EEPD1: variants seen among roughly 807,000 people sequenced by gnomAD.
EEPD1 encodes the protein endonuclease/exonuclease/phosphatase family domain containing 1, also known as endonuclease/exonuclease/phosphatase family domain-containing protein 1.
Under a neutral mutation model 46.3 loss-of-function variants are expected in EEPD1, and 17 were observed. The ratio of observed to expected loss-of-function variants is 0.37; its 90% CI spans 0.25 to 0.55. EEPD1 has a LOEUF of 0.55. Among genes scored for constraint, EEPD1 ranks in the 20% least tolerant of loss-of-function variants. EEPD1 has a pLI of 0.83. For missense variants in EEPD1, 673 were observed against 745.6 expected, an observed-to-expected ratio of 0.90 and a Z score of 1.13; for synonymous variants, 313 against 315.6, an observed-to-expected ratio of 0.99 and a Z score of 0.09.
At chr7:36,174,450 G>T (rs1562673981) in intron 2 of EEPD1, among the ~76,000 whole-genome samples, 2 of 152,178 alleles carry the variant, frequency 1.3e-5, no homozygotes, top group African/African-American at 4.8e-5. Context: ...TGGAGGGAAT[G>T]CTAGTGCATA....
At chr7:36,252,746 T>G (rs1244591686) in intron 3 of EEPD1, among the ~76,000 whole-genome samples, 1 of 150,690 alleles carries the variant, frequency 6.6e-6, no homozygotes, top group East Asian at 1.9e-4. Context: ...CTTTCCCCCT[T>G]ATGGTACGCC....
chr7:36,226,691 A>G (rs1464211690), intron 2 of EEPD1, among the ~76,000 whole-genome samples: 1 of 152,204 alleles, frequency 6.6e-6, no homozygotes, highest in East Asian at 1.9e-4. Flanking sequence ...TTTAAAACCA[A>G]ACTACTTAGA....
chr7:36,176,463 A>G (rs1785182418), intron 2 of EEPD1, among the ~76,000 whole-genome samples: 1 of 152,218 alleles, frequency 6.6e-6, no homozygotes, highest in African/African-American at 2.4e-5. Context: ...TCTCCCATGT[A>G]ACGGATGTCG....
chr7:36,155,549 T>C (rs779711326), intron 2 of EEPD1, among the ~76,000 whole-genome samples: 2 of 152,210 alleles, frequency 1.3e-5, no homozygotes, highest in Non-Finnish European at 2.9e-5. Context: ...CAGTTTCGCA[T>C]GTGAGAAAGA....
In EEPD1 at chr7:36,286,324, A is replaced by G. The variant is rs564238781; in HGVS notation, c.1177-1315A>G. ...ACTGTGCCCCCCACCCAGCCTTAAG[A>G]TGCTTTCTCTAGCAGGCAGAGCTGC... is the stretch of plus-strand genomic sequence containing the variant. On this transcript the variant is annotated intron_variant, in intron 5 of 7. Transcript: ENST00000242108. 3.3e-5 allele frequency among the ~76,000 whole-genome samples: 5 copies of G among 152,302 alleles called. No individual in the cohort carries two copies. The South Asian group carries it at 1.0e-3, about 32-fold the overall frequency.
At chr7:36,227,801 C>T (rs1786253918) in intron 2 of EEPD1, among the ~76,000 whole-genome samples, 1 of 152,166 alleles carries the variant, frequency 6.6e-6, no homozygotes, top group South Asian at 2.1e-4. Flanking sequence ...GATTCTCCTG[C>T]CTCAGGCTCC....
chr7:36,200,632 G>C (rs1274545348), intron 2 of EEPD1, among the ~76,000 whole-genome samples: 1 of 152,200 alleles, frequency 6.6e-6, no homozygotes, highest in East Asian at 1.9e-4. Context: ...TTGTCCTTCA[G>C]AACATTCCTT....
intron 2 of EEPD1, among the ~76,000 whole-genome samples, chr7:36,210,677 TCTC>T (rs1785912420): frequency 6.6e-6 from 1 of 152,018 alleles, no homozygotes; most frequent in Admixed American, 6.6e-5. Context: ...CTGCCTTCCC[TCTC>T]CTCCTAGAAA....
chr7:36,231,328 C>T (rs1472054794), intron 2 of EEPD1, among the ~76,000 whole-genome samples: 2 of 152,202 alleles, frequency 1.3e-5, no homozygotes, highest in Non-Finnish European at 2.9e-5. Context: ...AGAACTTGCC[C>T]TTCAAGCTGT....
chr7:36,276,575 A>T (rs1787185539), intron 3 of EEPD1, among the ~76,000 whole-genome samples: 2 of 152,216 alleles, frequency 1.3e-5, no homozygotes, highest in Non-Finnish European at 2.9e-5. Context: ...TTTGACGTAC[A>T]GGGTCCCGGG....
intron 3 of EEPD1, among the ~76,000 whole-genome samples, chr7:36,262,566 G>A (rs1372132287): frequency 6.6e-6 from 1 of 152,170 alleles, no homozygotes; most frequent in African/African-American, 2.4e-5. Flanking sequence ...AGGGGGTTGT[G>A]TCTCGTCTCC....
At position 36,154,256 on chromosome 7, in the gene EEPD1, G is replaced by C. The variant is rs1784775786; in HGVS notation, c.-69G>C. 1 of 1,512,836 alleles carries C rather than the reference G, an allele frequency of 6.6e-7. No individual in the cohort carries two copies. Among genetic ancestry groups the C allele is most frequent in the South Asian group, 1.3e-5 (1 of 79,162 alleles). 93.7% of individuals were successfully genotyped at this position (1,512,836 alleles called of 1,614,324 possible). On this transcript the variant is annotated 5_prime_UTR_variant, in exon 2 of 8. Transcript: ENST00000242108. This position sits in a 1 kb window ranked among gnomAD's most constrained non-coding sequence, Gnocchi z 4.2. ...TTTCTGTGCTTGTACGGCCTACTGGGCTTCCTCCCTAGCCAGAGAGCTCTT... is the reference window on the plus strand; with the variant it reads ...TTTCTGTGCTTGTACGGCCTACTGGCCTTCCTCCCTAGCCAGAGAGCTCTT...
rs1784774936 is a variant in EEPD1, at chr7:36,154,239, C to G, written c.-86C>G. The G allele has an allele frequency of 1.4e-6, 2 of 1,456,766 alleles. No individual in the cohort carries two copies. The highest frequency in any genetic ancestry group is 4.9e-5 in the East Asian group (2 of 41,078). 90.2% of individuals were successfully genotyped at this position (1,456,766 alleles called of 1,614,324 possible). On this transcript the variant is annotated 5_prime_UTR_variant, in exon 2 of 8. Transcript: ENST00000242108. The surrounding 1 kb of genome is among the most constrained non-coding windows in gnomAD (Gnocchi z 4.2). ...ATCCTGCACCTTCCGTTTTTCTGTGCTTGTACGGCCTACTGGGCTTCCTCC... is the reference window on the plus strand; with the variant it reads ...ATCCTGCACCTTCCGTTTTTCTGTGGTTGTACGGCCTACTGGGCTTCCTCC...
chr7:36,281,369 C>A, intron 4 of EEPD1, 144 bp downstream of exon 4: 1 of 743,698 alleles, frequency 1.3e-6, no homozygotes, highest in Non-Finnish European at 2.2e-6. Flanking sequence ...CCTTGCCATT[C>A]ATTTCCAAAT....
chr7:36,266,000 T>C (rs1787010201), intron 3 of EEPD1, among the ~76,000 whole-genome samples: 1 of 152,144 alleles, frequency 6.6e-6, no homozygotes, highest in Non-Finnish European at 1.5e-5. Context: ...CAGCCTTCCT[T>C]ACTGGCATGC....
intron 3 of EEPD1, among the ~76,000 whole-genome samples, chr7:36,258,130 C>T (rs1277204025): frequency 6.6e-6 from 1 of 152,164 alleles, no homozygotes; most frequent in Non-Finnish European, 1.5e-5. Flanking sequence ...CTCCGGACCC[C>T]GTTTGCCTAG....
chr7:36,190,525 C>G (rs1363107543), intron 2 of EEPD1, among the ~76,000 whole-genome samples: 1 of 152,178 alleles, frequency 6.6e-6, no homozygotes, highest in African/African-American at 2.4e-5. Context: ...CAGTCCTTGC[C>G]TGACTTTTCA....
intron 2 of EEPD1, among the ~76,000 whole-genome samples, chr7:36,237,922 G>T (rs1448988257): frequency 6.6e-6 from 1 of 152,172 alleles, no homozygotes; most frequent in Non-Finnish European, 1.5e-5. Context: ...CTGCATTTCA[G>T]CCTGGGTGAC....
At position 36,287,646 on chromosome 7, in the gene EEPD1, G is replaced by A. The variant is rs1277411268; in HGVS notation, c.1184G>A (p.Ser395Asn). ...TTGTTTCCTGCTGCCTAGGTGGGAAGTCACGACCTGACCCTTGTTAACCTT... is the reference window on the plus strand; with the variant it reads ...TTGTTTCCTGCTGCCTAGGTGGGAAATCACGACCTGACCCTTGTTAACCTT... ...SPYLGRFKVG[S>N]HDLTLVNLHL... is the part of the protein sequence containing the mutation. Residue 395 changes from serine to asparagine, a missense_variant, in exon 6 of 8, where the codon AGT becomes AAT. Physicochemically the swap from Ser to Asn is conservative, Grantham distance 46 (BLOSUM62 1). Coordinates refer to ENST00000242108, the MANE Select transcript of EEPD1 (RefSeq NM_030636.3). 6.2e-7 allele frequency: 1 copy of A among 1,613,848 alleles called. No individual in the cohort carries two copies. The highest frequency in any genetic ancestry group is 8.5e-7 in the Non-Finnish European group (1 of 1,179,840).
Sources: allele counts gnomAD v4.1 joint callset (sites outside exome capture counted in the v4.1 genomes callset), GRCh38; gene constraint gnomAD v4.1.1; non-coding constraint Gnocchi (gnomAD v3.1); transcripts MANE v1.5; gene names NCBI Gene and HGNC (gene_info 2026-07-23, HGNC 2026-07-21).